The following ELP1 variants were observed in gnomAD, a reference collection of about 807,000 sequenced individuals.
The protein encoded by ELP1 is elongator complex protein 1.
ELP1 carries 131 observed loss-of-function variants against 183.2 expected under a neutral mutation model. The ratio of observed to expected loss-of-function variants is 0.72; its 90% CI spans 0.62 to 0.83. The LOEUF (loss-of-function observed/expected upper bound fraction) is 0.83, where lower values mean the gene tolerates loss of function less well. Ranked by LOEUF, ELP1 falls within the 40% of genes least tolerant of loss-of-function variation. ELP1 has a pLI of 0.00. For synonymous variants in ELP1, 555 were observed against 569.0 expected, an observed-to-expected ratio of 0.98 and a Z score of 0.35; for missense variants, 1,550 against 1,594.9, an observed-to-expected ratio of 0.97 and a Z score of 0.48.
At chr9:108,872,823 A>AC in intron 36 of ELP1, among the ~76,000 whole-genome samples, 1 of 77,964 alleles carries the variant, frequency 1.3e-5, no homozygotes, top group East Asian at 4.7e-4. Context: ...AAAAAAAAAA[A>AC]AAAAAAAAAA....
At chr9:108,922,815 G>A (rs1438289471) in intron 6 of ELP1, 27 bp downstream of exon 6, 4 of 1,570,238 alleles carry the variant, frequency 2.5e-6, no homozygotes, top group Middle Eastern at 1.7e-4. Flanking sequence ...TCCAGTCAAG[G>A]CTTTTTATCC....
intron 31 of ELP1, 125 bp downstream of exon 31, chr9:108,881,579 TG>T: frequency 1.5e-6 from 1 of 672,048 alleles, no homozygotes. Context: ...TATATCCAGG[TG>T]GTAATTTTGA....
At chr9:108,883,880 A>T (rs1180011001) in intron 29 of ELP1, among the ~76,000 whole-genome samples, 1 of 152,160 alleles carries the variant, frequency 6.6e-6, no homozygotes, top group African/African-American at 2.4e-5. Flanking sequence ...CAAAGGATCA[A>T]TGAAACAAAC....
intron 12 of ELP1, among the ~76,000 whole-genome samples, chr9:108,909,616 G>C (rs1164325421): frequency 6.6e-6 from 1 of 152,120 alleles, no homozygotes; most frequent in Admixed American, 6.6e-5. Context: ...TTACTTCATG[G>C]ATTTGTTATG....
At chr9:108,910,110 C>T (rs990718119) in intron 12 of ELP1, among the ~76,000 whole-genome samples, 6 of 152,162 alleles carry the variant, frequency 3.9e-5, no homozygotes, top group Admixed American at 3.9e-4. Flanking sequence ...TTAAGTCCCA[C>T]AAAAGCTTAC....
intron 5 of ELP1, among the ~76,000 whole-genome samples, chr9:108,923,687 C>A (rs1011336343): frequency 2.0e-5 from 3 of 152,186 alleles, no homozygotes; most frequent in African/African-American, 7.2e-5. Flanking sequence ...GAGATTGAGA[C>A]CCTCCCTAAT....
intron 29 of ELP1, among the ~76,000 whole-genome samples, chr9:108,882,684 G>A (rs1411963216): frequency 6.7e-6 from 1 of 149,580 alleles, no homozygotes; most frequent in Non-Finnish European, 1.5e-5. Context: ...AGCCTTGACT[G>A]CCTGGCCCCA....
Position 108,896,192 on chromosome 9 carries a change from A to G in ELP1, c.2736+304T>C, listed in dbSNP as rs4978759. Among the ~76,000 whole-genome samples, 40,438 of 151,908 alleles carry G rather than the reference A, an allele frequency of 0.27. 6,384 individuals are homozygous for G. The highest frequency in any genetic ancestry group is 0.44 in the African/African-American group (18,085 of 41,364). On this transcript the variant is annotated intron_variant, in intron 25 of 36. Coordinates refer to ENST00000374647, the MANE Select transcript of ELP1 (RefSeq NM_003640.5). ...GAATGGCGTGAACACGGGAGGTGGAACTTGCAGTAAGCCGAGATCGCACCA... is the reference window on the plus strand; with the variant it reads ...GAATGGCGTGAACACGGGAGGTGGAGCTTGCAGTAAGCCGAGATCGCACCA...
chr9:108,884,828 C>T (rs1359896523), intron 29 of ELP1, among the ~76,000 whole-genome samples: 1 of 152,094 alleles, frequency 6.6e-6, no homozygotes, highest in Non-Finnish European at 1.5e-5. Flanking sequence ...CACATGGAAT[C>T]CCAGCACTTT....
rs557835221 is a variant in ELP1 at position 108,875,497 on chromosome 9, T to G, written c.3856-527A>C. On this transcript the variant is annotated intron_variant, in intron 35 of 36. Coordinates refer to ENST00000374647, the MANE Select transcript of ELP1 (RefSeq NM_003640.5). ...ACCCCTGGTTAGTGCAGACCCTTGGTGGCACACTCTCAAGAGCAATGCCAT... is the reference window on the plus strand; with the variant it reads ...ACCCCTGGTTAGTGCAGACCCTTGGGGGCACACTCTCAAGAGCAATGCCAT... 1.2e-5 allele frequency: 3 copies of G among 259,008 alleles called. No homozygotes were observed. In the South Asian group the frequency reaches 1.3e-4, roughly 11 times the overall value. The allele number at this position is 259,008 out of a possible 1,614,324, so 16.0% of individuals were successfully genotyped here.
Position 108,922,516 on chromosome 9 carries a change from C to G in ELP1, c.552+326G>C, listed in dbSNP as rs558393850. Among the ~76,000 whole-genome samples, 5 of 152,318 alleles carry G rather than the reference C, an allele frequency of 3.3e-5. No homozygotes were observed. In the East Asian group the frequency reaches 9.6e-4, roughly 29 times the overall value. The stretch of plus-strand genomic sequence containing the variant: ...TGCATGTGAATGAAGGATGGCAGCT[C>G]TCTCTGGAGAGGAAGGGGAGGGACA... On this transcript the variant is annotated intron_variant, in intron 6 of 36. Transcript: ENST00000374647.
rs1229097344 is a variant in ELP1 at position 108,919,235 on chromosome 9, T to C, written c.649+18A>G. ...TAAAAATTTTTTATTGTTGTTTAAC[T>C]GCAATATATTTCCATACCTGTTTCT... On this transcript the variant is annotated intron_variant, in intron 7 of 36. Coordinates refer to ENST00000374647, the MANE Select transcript of ELP1 (RefSeq NM_003640.5). 2 of 1,556,974 alleles carry C rather than the reference T, an allele frequency of 1.3e-6. No homozygotes were observed. Among genetic ancestry groups the C allele is most frequent in the Non-Finnish European group, 1.8e-6 (2 of 1,128,884 alleles).
At chr9:108,922,722 T>TA (rs1296186274) in intron 6 of ELP1, 120 bp downstream of exon 6, 1 of 788,160 alleles carries the variant, frequency 1.3e-6, no homozygotes, top group African/African-American at 1.7e-5. Context: ...TAGGCAGTTT[T>TA]ACTAAAGCAG....
chr9:108,921,315 G>C (rs1304535852), intron 6 of ELP1, among the ~76,000 whole-genome samples: 1 of 152,054 alleles, frequency 6.6e-6, no homozygotes, highest in Non-Finnish European at 1.5e-5. Context: ...TGCCTCTGTG[G>C]ATTTGCCCCT....
intron 28 of ELP1, among the ~76,000 whole-genome samples, chr9:108,890,905 A>T (rs572472625): frequency 1.3e-5 from 2 of 152,256 alleles, no homozygotes; most frequent in East Asian, 3.9e-4. Flanking sequence ...CCTTCCCCAC[A>T]GCTGTGGAGA....
In ELP1 at chr9:108,919,241, A is replaced by G. The variant is rs375554772; in HGVS notation, c.649+12T>C. Reference sequence around the variant, plus strand: ...TTTTTTATTGTTGTTTAACTGCAATATATTTCCATACCTGTTTCTGGGCAA... The same window carrying G: ...TTTTTTATTGTTGTTTAACTGCAATGTATTTCCATACCTGTTTCTGGGCAA... On this transcript the variant is annotated intron_variant, in intron 7 of 36. Transcript: ENST00000374647. 148 of 1,589,250 alleles carry G rather than the reference A, an allele frequency of 9.3e-5. No individual in the cohort carries two copies. The highest frequency in any genetic ancestry group is 1.2e-4 in the Non-Finnish European group (137 of 1,157,790).
chr9:108,928,079 A>G (rs1829875454), intron 3 of ELP1, among the ~76,000 whole-genome samples: 2 of 152,238 alleles, frequency 1.3e-5, no homozygotes, highest in Non-Finnish European at 2.9e-5. Flanking sequence ...TGGGATGGAT[A>G]TCCTATTCTC....
Position 108,931,031 on chromosome 9 carries a change from TG to T in ELP1, c.115del (p.His39MetfsTer3). 1 of 1,614,158 alleles carries T rather than the reference TG, an allele frequency of 6.2e-7. No homozygotes were observed. On this transcript the variant is annotated frameshift_variant, in exon 2 of 37. Coordinates refer to ENST00000374647, the MANE Select transcript of ELP1 (RefSeq NM_003640.5). LOFTEE classifies it high-confidence loss of function. ...GACAGGGTCTACTTCTATCAGGCCA[TG>T]TTCTGAACCAATGAGCACCGTCCCC... ...EQGTVLIGSE[H>X]GLIEVDPVSR...
In ELP1 at chr9:108,934,095, T is replaced by A. The variant is rs948092691; in HGVS notation, c.-287A>T. ...AGAAGCCAGCGACTCAATGGGTGCGTCAACTAGGCAGCCGCAGCACTGGGA... is the reference window on the plus strand; with the variant it reads ...AGAAGCCAGCGACTCAATGGGTGCGACAACTAGGCAGCCGCAGCACTGGGA... On this transcript the variant is annotated 5_prime_UTR_variant, in exon 1 of 37. Transcript: ENST00000374647. The A allele has an allele frequency of 2.0e-5, 4 of 197,274 alleles. No individual in the cohort carries two copies. In the South Asian group the frequency reaches 2.7e-4, roughly 14 times the overall value. The allele number at this position is 197,274 out of a possible 1,614,324, so 12.2% of individuals were successfully genotyped here.
Sources: allele counts gnomAD v4.1 joint callset (sites outside exome capture counted in the v4.1 genomes callset), GRCh38; gene constraint gnomAD v4.1.1; transcripts MANE v1.5; gene names NCBI Gene and HGNC (gene_info 2026-07-23, HGNC 2026-07-21).